Variants in TRIM55 observed in about 807,000 individuals in gnomAD.
TRIM55 encodes tripartite motif containing 55.
A neutral mutation model predicts 60.9 loss-of-function variants in TRIM55; 50 were observed. That is an observed-to-expected ratio of 0.82 (90% confidence interval 0.65 to 1.04). The LOEUF is 1.04. Ranked by LOEUF, TRIM55 falls within the 50% of genes least tolerant of loss-of-function variation. The pLI, the probability that TRIM55 is intolerant of heterozygous loss-of-function variation, is 0.00. For synonymous variants in TRIM55, 237 were observed against 238.1 expected (o/e 1.00, Z 0.04); for missense variants, 681 against 666.9 (o/e 1.02, Z -0.23).
rs1811828067 is a variant in TRIM55 at position 66,174,651 on chromosome 8, G to A, written c.*58G>A. The A allele has an allele frequency of 2.0e-5, 30 of 1,489,026 alleles. No individual in the cohort carries two copies. The highest frequency in any genetic ancestry group is 2.7e-5 in the Non-Finnish European group (30 of 1,122,482). 92.2% of individuals were successfully genotyped at this position (1,489,026 alleles called of 1,614,324 possible). On this transcript the variant is annotated 3_prime_UTR_variant, in exon 10 of 10. Transcript: ENST00000315962. ...TGGCTGAGATGCATGTGGGCAGCAG[G>A]AAGCCCAAGTGAAATTAATATTATG...
At chr8:66,132,069 C>T (rs531435171) in intron 2 of TRIM55, among the ~76,000 whole-genome samples, 4 of 152,160 alleles carry the variant, frequency 2.6e-5, no homozygotes, top group Non-Finnish European at 5.9e-5. Flanking sequence ...ATATTTGATA[C>T]GAGTAAAAAC....
At chr8:66,150,060 C>T (rs1208299237) in intron 5 of TRIM55, among the ~76,000 whole-genome samples, 157 bp from the exon 6 acceptor site, 2 of 152,102 alleles carry the variant, frequency 1.3e-5, no homozygotes, top group African/African-American at 4.8e-5. Flanking sequence ...TATGATACTG[C>T]TTAAATCTAA....
At chr8:66,113,614 T>A in the TRIM55 span, 1 of 456,076 alleles carries the variant, frequency 2.2e-6, no homozygotes, top group Non-Finnish European at 4.4e-6. Context: ...TTTTTAGCCA[T>A]TCGCCCTGCG....
the TRIM55 span, among the ~76,000 whole-genome samples, chr8:66,113,754 AG>A: frequency 6.6e-6 from 1 of 152,170 alleles, no homozygotes; most frequent in Admixed American, 6.5e-5. Context: ...CACAGGAGGC[AG>A]CGCCGGCTCC....
upstream of TRIM55, among the ~76,000 whole-genome samples, chr8:66,124,433 G>A (rs534458485): frequency 6.6e-6 from 1 of 152,306 alleles, no homozygotes; most frequent in Non-Finnish European, 1.5e-5. Flanking sequence ...GTGGCTCTGA[G>A]ATCCCCTGCA....
At chr8:66,173,780 T>A (rs1238182403) in intron 9 of TRIM55, among the ~76,000 whole-genome samples, 1 of 152,196 alleles carries the variant, frequency 6.6e-6, no homozygotes, top group Admixed American at 6.5e-5. Context: ...GCTTATGACA[T>A]AGATTAATCA....
At chr8:66,115,201 T>C in the TRIM55 span, 1 of 152,410 alleles carries the variant, frequency 6.6e-6, no homozygotes, top group Non-Finnish European at 1.5e-5. Flanking sequence ...TTCTTTAGGG[T>C]CCTAGGCAAC....
chr8:66,171,899 G>A (rs550833855), intron 9 of TRIM55, among the ~76,000 whole-genome samples: 15 of 152,190 alleles, frequency 9.9e-5, no homozygotes, highest in African/African-American at 2.9e-4. Flanking sequence ...CACACTGAAG[G>A]GATTAAATCA....
the TRIM55 span, among the ~76,000 whole-genome samples, chr8:66,117,512 C>T: frequency 6.6e-6 from 1 of 152,318 alleles, no homozygotes; most frequent in Admixed American, 6.5e-5. Flanking sequence ...TCACATACAT[C>T]TTATTTCTCT....
intron 9 of TRIM55, among the ~76,000 whole-genome samples, chr8:66,163,772 T>C (rs1437770315): frequency 6.6e-6 from 1 of 152,258 alleles, no homozygotes; most frequent in Non-Finnish European, 1.5e-5. Context: ...TGGTGTTCTG[T>C]ACCTGTCAAT....
intron 9 of TRIM55, among the ~76,000 whole-genome samples, chr8:66,165,097 A>T (rs1811254434): frequency 1.3e-5 from 2 of 152,092 alleles, no homozygotes; most frequent in Non-Finnish European, 2.9e-5. Flanking sequence ...AAACCAATAC[A>T]CGTGTCCCCA....
intron 2 of TRIM55, among the ~76,000 whole-genome samples, chr8:66,128,700 C>G (rs1339992206): frequency 6.6e-6 from 1 of 152,126 alleles, no homozygotes; most frequent in Admixed American, 6.5e-5. Flanking sequence ...AATGAAGTGA[C>G]TCATTAACAC....
chr8:66,118,872 G>A, the TRIM55 span, among the ~76,000 whole-genome samples: 1 of 152,162 alleles, frequency 6.6e-6, no homozygotes, highest in East Asian at 1.9e-4. Flanking sequence ...AAAAAAGGGA[G>A]GGATGGGTGG....
intron 4 of TRIM55, among the ~76,000 whole-genome samples, chr8:66,140,059 AG>A: frequency 6.6e-6 from 1 of 152,342 alleles, no homozygotes; most frequent in African/African-American, 2.4e-5. Flanking sequence ...CATGCTGTAC[AG>A]GTTTGTGTCC....
chr8:66,132,069 C>G (rs531435171), intron 2 of TRIM55, among the ~76,000 whole-genome samples: 2 of 152,160 alleles, frequency 1.3e-5, no homozygotes, highest in African/African-American at 4.8e-5. Flanking sequence ...ATATTTGATA[C>G]GAGTAAAAAC....
intron 2 of TRIM55, 108 bp from the exon 3 acceptor site, chr8:66,134,882 G>T: frequency 1.7e-6 from 2 of 1,175,914 alleles, no homozygotes; most frequent in Non-Finnish European, 2.4e-6. Context: ...GAATTGCTGG[G>T]CATACAGGGA....
chr8:66,149,921 G>C, intron 5 of TRIM55, 43 bp downstream of exon 5: 1 of 1,459,092 alleles, frequency 6.9e-7, no homozygotes, highest in Non-Finnish European at 9.5e-7. Context: ...CAAAAGGTGG[G>C]TGTTGGAAAA....
At chr8:66,114,697 C>T in the TRIM55 span, 8 of 453,424 alleles carry the variant, frequency 1.8e-5, no homozygotes, top group African/African-American at 1.4e-4. Context: ...CTGTTCGGCC[C>T]CATCTCAAGT....
Position 66,154,167 on chromosome 8 carries a change from G to GCCA in TRIM55, c.1364_1366dup (p.Thr455dup), listed in dbSNP as rs1563383567. 1 of 1,614,164 alleles carries GCCA rather than the reference G, an allele frequency of 6.2e-7. No homozygotes were observed. The highest frequency in any genetic ancestry group is 1.7e-5 in the Admixed American group (1 of 60,018). On this transcript the variant is annotated inframe_insertion, in exon 9 of 10. Coordinates refer to ENST00000315962, the MANE Select transcript of TRIM55 (RefSeq NM_184085.2). ...TTGGTATAAAGGCCAAACCCGGAAA[G>GCCA]CCACCACCAACCCACCTTGCACCCC...
Sources: gnomAD v4.1 joint callset for allele counts (sites outside exome capture counted in the v4.1 genomes callset) on GRCh38, gnomAD v4.1.1 for gene constraint, MANE v1.5 for transcripts, NCBI Gene and HGNC (gene_info 2026-07-23, HGNC 2026-07-21) for gene names.